The following ATP8A2 variants were observed in gnomAD, a reference collection of about 807,000 sequenced individuals.
The protein encoded by ATP8A2 is phospholipid-transporting ATPase IB.
In ATP8A2, 100 loss-of-function variants were observed where a neutral mutation model predicts 165.6. The ratio of observed to expected loss-of-function variants is 0.60; its 90% CI spans 0.51 to 0.71. The LOEUF (loss-of-function observed/expected upper bound fraction) is 0.71, where lower values mean the gene tolerates loss of function less well. Among genes scored for constraint, ATP8A2 ranks in the 30% least tolerant of loss-of-function variants. The pLI is 0.00. For synonymous variants in ATP8A2, 543 were observed against 548.8 expected (o/e 0.99, Z 0.15); for missense variants, 1,227 against 1,479.5 (o/e 0.83, Z 2.80).
At chr13:25,888,728 G>A (rs8002988) in intron 33 of ATP8A2, among the ~76,000 whole-genome samples, 8,308 of 152,170 alleles carry the variant, frequency 0.055, 349 homozygotes, top group East Asian at 0.18. Flanking sequence ...GCATGGTGGC[G>A]CATGTCTGTA....
intron 4 of ATP8A2, among the ~76,000 whole-genome samples, chr13:25,530,890 C>T (rs1256371451): frequency 6.6e-6 from 1 of 151,982 alleles, no homozygotes; most frequent in African/African-American, 2.4e-5. Context: ...GTCTCTGGAG[C>T]CCCATTGATT....
At chr13:25,630,910 G>T (rs1338963538) in intron 24 of ATP8A2, among the ~76,000 whole-genome samples, 1 of 152,114 alleles carries the variant, frequency 6.6e-6, no homozygotes, top group Non-Finnish European at 1.5e-5. Flanking sequence ...TTCTGGGACT[G>T]ACTGGAGTAT....
chr13:25,572,871 T>C (rs1336816006), intron 18 of ATP8A2, among the ~76,000 whole-genome samples: 1 of 152,216 alleles, frequency 6.6e-6, no homozygotes, highest in East Asian at 1.9e-4. Flanking sequence ...GTTCCTGACT[T>C]GGGAGTACTG....
intron 24 of ATP8A2, among the ~76,000 whole-genome samples, chr13:25,693,798 T>A (rs932639255): frequency 4.6e-5 from 7 of 152,288 alleles, no homozygotes; most frequent in African/African-American, 1.7e-4. Context: ...CAAGTGATTC[T>A]CCCACCTCAG....
intron 33 of ATP8A2, among the ~76,000 whole-genome samples, chr13:25,914,740 A>G (rs1954217386): frequency 6.6e-6 from 1 of 152,164 alleles, no homozygotes; most frequent in African/African-American, 2.4e-5. Flanking sequence ...ACAGCTACCT[A>G]CAGAGCAAAC....
chr13:25,796,286 C>T (rs1950496900), intron 27 of ATP8A2, among the ~76,000 whole-genome samples: 1 of 152,124 alleles, frequency 6.6e-6, no homozygotes, highest in Admixed American at 6.6e-5. Context: ...TTCATAGAAT[C>T]CTGGTTTCTT....
intron 27 of ATP8A2, among the ~76,000 whole-genome samples, chr13:25,822,428 C>T (rs1035743018): frequency 3.3e-5 from 5 of 152,202 alleles, no homozygotes; most frequent in African/African-American, 4.8e-5. Context: ...CTGGGTATTA[C>T]AGTGTTGTTT....
At chr13:25,848,453 C>A (rs976965796) in intron 30 of ATP8A2, among the ~76,000 whole-genome samples, 54 of 152,326 alleles carry the variant, frequency 3.5e-4, no homozygotes, top group African/African-American at 1.3e-3. Flanking sequence ...TAGTTGTGTA[C>A]CCAGGAGTAA....
chr13:25,943,825 C>G (rs1472348069), intron 33 of ATP8A2, among the ~76,000 whole-genome samples: 2 of 152,200 alleles, frequency 1.3e-5, no homozygotes, highest in Non-Finnish European at 2.9e-5. Flanking sequence ...GGATAAGCTG[C>G]ATGTTGCTTA....
chr13:25,799,134 GACAA>G (rs1285302279), intron 27 of ATP8A2, among the ~76,000 whole-genome samples: 1 of 152,050 alleles, frequency 6.6e-6, no homozygotes, highest in African/African-American at 2.4e-5. Context: ...TATTGAATTG[GACAA>G]ACAAAGATAA....
chr13:25,619,883 G>A (rs755216691), intron 24 of ATP8A2, among the ~76,000 whole-genome samples: 7 of 152,120 alleles, frequency 4.6e-5, no homozygotes, highest in Non-Finnish European at 7.3e-5. Flanking sequence ...ACCGTTCTTA[G>A]ATTACAGGCT....
intron 1 of ATP8A2, among the ~76,000 whole-genome samples, chr13:25,434,447 C>G (rs2034700247): frequency 6.6e-6 from 1 of 151,978 alleles, no homozygotes; most frequent in Admixed American, 6.5e-5. Flanking sequence ...CTCCTGGGTT[C>G]AAGTGTTTCT....
chr13:25,677,583 G>C (rs1439276735), intron 24 of ATP8A2, among the ~76,000 whole-genome samples: 1 of 151,854 alleles, frequency 6.6e-6, no homozygotes, highest in Non-Finnish European at 1.5e-5. Flanking sequence ...AGTCCAGGTA[G>C]CTCTGGGATA....
chr13:25,773,572 AC>A (rs1330141065), intron 26 of ATP8A2, among the ~76,000 whole-genome samples: 1 of 151,760 alleles, frequency 6.6e-6, no homozygotes, highest in African/African-American at 2.4e-5. Flanking sequence ...CCATCACATC[AC>A]TCCCAGCTTG....
intron 19 of ATP8A2, among the ~76,000 whole-genome samples, chr13:25,576,710 G>A (rs959126300): frequency 6.6e-6 from 1 of 152,120 alleles, no homozygotes; most frequent in Admixed American, 6.5e-5. Context: ...TACCTACTGG[G>A]CAAGTTACTT....
chr13:25,382,327 T>C (rs1214057938), intron 1 of ATP8A2, among the ~76,000 whole-genome samples: 1 of 152,230 alleles, frequency 6.6e-6, no homozygotes, highest in Non-Finnish European at 1.5e-5. Flanking sequence ...GTGTATCAAT[T>C]CACCTACTGA....
intron 2 of ATP8A2, among the ~76,000 whole-genome samples, chr13:25,483,438 G>A (rs1012638447): frequency 2.6e-5 from 4 of 152,094 alleles, no homozygotes; most frequent in South Asian, 2.1e-4. Flanking sequence ...TGTTGGTTGC[G>A]TCATGAAGGA....
intron 33 of ATP8A2, among the ~76,000 whole-genome samples, chr13:25,931,894 A>G (rs1209502825): frequency 2.0e-5 from 3 of 152,022 alleles, no homozygotes; most frequent in Non-Finnish European, 4.4e-5. Flanking sequence ...CTAAAAATAC[A>G]AAAATTAGCT....
chr13:25,821,152 A>G (rs17082795), intron 27 of ATP8A2, among the ~76,000 whole-genome samples: 1,876 of 152,358 alleles, frequency 0.012, 41 homozygotes, highest in African/African-American at 0.043. Flanking sequence ...ACATGTGGCC[A>G]ATCCAGTGCC....
Sources: gnomAD v4.1 joint callset for allele counts (sites outside exome capture counted in the v4.1 genomes callset) on GRCh38, gnomAD v4.1.1 for gene constraint, MANE v1.5 for transcripts, NCBI Gene and HGNC (gene_info 2026-07-23, HGNC 2026-07-21) for gene names.